Variants in DGKG observed in about 807,000 individuals in gnomAD.
DGKG encodes the protein DAG kinase gamma.
A neutral mutation model predicts 105.3 loss-of-function variants in DGKG; 78 were observed. The observed-to-expected ratio is 0.74, with a 90% CI of 0.62 to 0.89. The LOEUF is 0.89. Ranked by LOEUF, DGKG falls within the 40% of genes least tolerant of loss-of-function variation. The probability of loss-of-function intolerance (pLI) is 0.00; values close to 1 mark genes in which losing one functional copy is unlikely to be tolerated. For synonymous variants in DGKG, 346 were observed against 367.1 expected, an observed-to-expected ratio of 0.94 and a Z score of 0.66; for missense variants, 958 against 1,020.1, an observed-to-expected ratio of 0.94 and a Z score of 0.83.
chr3:186,152,961 C>CTTTTTTTTTTTT (rs10579014), intron 24 of DGKG, among the ~76,000 whole-genome samples: 1 of 124,530 alleles, frequency 8.0e-6, no homozygotes, highest in Admixed American at 8.3e-5. Context: ...CGCGCCCGGC[C>CTTTTTTTTTTTT]TTTTTTTTTT....
chr3:186,308,261 A>G (rs2108627005), intron 2 of DGKG, among the ~76,000 whole-genome samples: 1 of 152,264 alleles, frequency 6.6e-6, no homozygotes, highest in South Asian at 2.1e-4. Context: ...GGGAATCCAG[A>G]AAAGAGACTC....
rs980974451 is a variant in DGKG, at chr3:186,147,373, C to A, written c.*2717G>T. On this transcript the variant is annotated 3_prime_UTR_variant, in exon 25 of 25. Coordinates refer to ENST00000265022, the MANE Select transcript of DGKG (RefSeq NM_001346.3). The stretch of plus-strand genomic sequence containing the variant: ...AAACCTCATTAAGCCTTGTTCTCCT[C>A]ATTGAGATCGAGATAATAATACCTT... The A allele has an allele frequency of 1.0e-6, 1 of 979,258 alleles. No individual in the cohort carries two copies. Among genetic ancestry groups the A allele is most frequent in the Non-Finnish European group, 1.2e-6 (1 of 824,078 alleles). The allele number at this position is 979,258 out of a possible 1,614,324, so 60.7% of individuals were successfully genotyped here. A position where few individuals can be genotyped will look rare whatever the true frequency, so the allele number is the denominator to read the frequency against.
intron 21 of DGKG, among the ~76,000 whole-genome samples, chr3:186,190,314 C>G (rs1388757456): frequency 1.4e-4 from 21 of 152,294 alleles, no homozygotes; most frequent in Admixed American, 1.0e-3. Context: ...TGCACACACT[C>G]TAGTTTGTTA....
chr3:186,252,435 C>T (rs1437015083), intron 18 of DGKG, among the ~76,000 whole-genome samples: 1 of 152,212 alleles, frequency 6.6e-6, no homozygotes, highest in Non-Finnish European at 1.5e-5. Context: ...TGGCCGGCAG[C>T]CTGATCTGTC....
chr3:186,165,270 C>A (rs948773689), intron 22 of DGKG, among the ~76,000 whole-genome samples: 9 of 152,120 alleles, frequency 5.9e-5, no homozygotes, highest in African/African-American at 1.9e-4. Context: ...AAATAGGTTA[C>A]CATATCAAGA....
chr3:186,280,899 T>G (rs570372311), intron 7 of DGKG, among the ~76,000 whole-genome samples, 155 bp from the exon 8 acceptor site: 21 of 152,330 alleles, frequency 1.4e-4, no homozygotes, highest in African/African-American at 4.8e-4. Flanking sequence ...GAGCTCAGTT[T>G]ATTTCTGTCT....
intron 1 of DGKG, among the ~76,000 whole-genome samples, chr3:186,329,400 G>C (rs541260498): frequency 5.3e-5 from 8 of 152,248 alleles, no homozygotes; most frequent in African/African-American, 1.9e-4. Flanking sequence ...GGAGGAAGAA[G>C]GCAAATTCAA....
At chr3:186,307,795 T>C (rs1724322173) in intron 2 of DGKG, among the ~76,000 whole-genome samples, 1 of 151,916 alleles carries the variant, frequency 6.6e-6, no homozygotes, top group Non-Finnish European at 1.5e-5. Context: ...TTAAACCCCA[T>C]AAGGCTCTGT....
intron 20 of DGKG, among the ~76,000 whole-genome samples, chr3:186,227,678 G>A (rs1719920945): frequency 6.6e-6 from 1 of 152,146 alleles, no homozygotes; most frequent in Non-Finnish European, 1.5e-5. Flanking sequence ...GCATTACAAC[G>A]TTTTTTAGTA....
At chr3:186,229,754 A>G (rs1720051288) in intron 20 of DGKG, among the ~76,000 whole-genome samples, 1 of 152,208 alleles carries the variant, frequency 6.6e-6, no homozygotes, top group South Asian at 2.1e-4. Flanking sequence ...ATGCTAACAC[A>G]AATAGATGCT....
At chr3:186,205,411 T>C (rs905326221) in intron 21 of DGKG, among the ~76,000 whole-genome samples, 5 of 152,036 alleles carry the variant, frequency 3.3e-5, no homozygotes, top group African/African-American at 1.2e-4. Context: ...TTTCTTCTGT[T>C]GAAAAATAGT....
chr3:186,173,913 C>CA (rs1716947387), intron 22 of DGKG, among the ~76,000 whole-genome samples: 1 of 152,212 alleles, frequency 6.6e-6, no homozygotes, highest in Non-Finnish European at 1.5e-5. Flanking sequence ...ACCAGGCCTT[C>CA]AGGCATCCCA....
intron 1 of DGKG, among the ~76,000 whole-genome samples, chr3:186,334,411 A>C (rs1725735491): frequency 6.6e-6 from 1 of 152,196 alleles, no homozygotes; most frequent in African/African-American, 2.4e-5. Context: ...AGTTTATGGA[A>C]GGCTCTGGGT....
At chr3:186,202,319 C>T (rs1024467484) in intron 21 of DGKG, among the ~76,000 whole-genome samples, 11 of 152,204 alleles carry the variant, frequency 7.2e-5, no homozygotes, top group African/African-American at 2.4e-4. Flanking sequence ...CTTCTTAATT[C>T]CTCTTCTAGT....
chr3:186,331,844 A>T (rs957712332), intron 1 of DGKG, among the ~76,000 whole-genome samples: 1 of 152,324 alleles, frequency 6.6e-6, no homozygotes, highest in Middle Eastern at 3.4e-3. Context: ...CCATTTATAG[A>T]TTGCAACACA....
At chr3:186,239,306 C>T (rs1262752582) in intron 20 of DGKG, among the ~76,000 whole-genome samples, 5 of 152,152 alleles carry the variant, frequency 3.3e-5, no homozygotes, top group African/African-American at 1.2e-4. Flanking sequence ...TAAAGGCTTC[C>T]GGCCAAGCAG....
chr3:186,293,153 T>G (rs1329753885), intron 5 of DGKG, among the ~76,000 whole-genome samples: 2 of 152,156 alleles, frequency 1.3e-5, no homozygotes, highest in Non-Finnish European at 2.9e-5. Context: ...TAATTTGCAT[T>G]AGGGTTCACT....
intron 20 of DGKG, among the ~76,000 whole-genome samples, chr3:186,218,502 G>A (rs76014268): frequency 2.6e-4 from 18 of 70,380 alleles, no homozygotes; most frequent in South Asian, 7.7e-4. Flanking sequence ...GACTCCGTCT[G>A]AAAAAAAAAA....
intron 10 of DGKG, among the ~76,000 whole-genome samples, chr3:186,274,318 G>C (rs907296941): frequency 6.6e-6 from 1 of 152,126 alleles, no homozygotes; most frequent in Non-Finnish European, 1.5e-5. Flanking sequence ...CTCCTGAGTA[G>C]CTGGGATTAC....
Sources: allele counts gnomAD v4.1 joint callset (sites outside exome capture counted in the v4.1 genomes callset), GRCh38; gene constraint gnomAD v4.1.1; transcripts MANE v1.5; gene names NCBI Gene and HGNC (gene_info 2026-07-23, HGNC 2026-07-21).